The following GPC6 variants were observed in gnomAD, a reference collection of about 807,000 sequenced individuals.
GPC6 encodes the protein glypican 6.
Under a neutral mutation model 55.2 loss-of-function variants are expected in GPC6, and 14 were observed. The ratio of observed to expected loss-of-function variants is 0.25; its 90% CI spans 0.17 to 0.40. GPC6 has a LOEUF of 0.40. GPC6 is among the 10% of genes least tolerant of loss of function. The probability of loss-of-function intolerance (pLI) is 1.00; values close to 1 mark genes in which losing one functional copy is unlikely to be tolerated. For missense variants in GPC6, 641 were observed against 708.5 expected, an observed-to-expected ratio of 0.90 and a Z score of 1.08; for synonymous variants, 278 against 259.6, an observed-to-expected ratio of 1.07 and a Z score of -0.68.
chr13:93,352,103 G>A (rs935386713), intron 1 of GPC6, among the ~76,000 whole-genome samples: 2 of 152,120 alleles, frequency 1.3e-5, no homozygotes, highest in East Asian at 1.9e-4. Context: ...ATTACTTAAT[G>A]TAATTAAGGG....
intron 2 of GPC6, among the ~76,000 whole-genome samples, chr13:93,751,283 C>A (rs1884578238): frequency 6.6e-6 from 1 of 152,044 alleles, no homozygotes. Flanking sequence ...GGGGATGTGG[C>A]CTCACCACCA....
At chr13:93,749,800 G>GA (rs1207572328) in intron 2 of GPC6, among the ~76,000 whole-genome samples, 1 of 151,874 alleles carries the variant, frequency 6.6e-6, no homozygotes, top group Non-Finnish European at 1.5e-5. Context: ...TACTTGTGAC[G>GA]AAAAAAATAC....
At chr13:93,388,177 G>A (rs1011385810) in intron 1 of GPC6, among the ~76,000 whole-genome samples, 2 of 152,118 alleles carry the variant, frequency 1.3e-5, no homozygotes, top group African/African-American at 4.8e-5. Flanking sequence ...TTTAAACCTA[G>A]GGCTTCTTGG....
At chr13:93,720,684 C>T (rs532159468) in intron 2 of GPC6, among the ~76,000 whole-genome samples, 3 of 152,190 alleles carry the variant, frequency 2.0e-5, no homozygotes, top group African/African-American at 4.8e-5. Flanking sequence ...ATCTTTCCCA[C>T]TTTCTCATGT....
At chr13:94,236,913 T>C (rs1890897008) in intron 4 of GPC6, among the ~76,000 whole-genome samples, 2 of 151,874 alleles carry the variant, frequency 1.3e-5, no homozygotes, top group Admixed American at 6.6e-5. Flanking sequence ...CCTGAAAATT[T>C]TGGGCATGTA....
intron 2 of GPC6, among the ~76,000 whole-genome samples, chr13:93,754,059 C>T (rs892093803): frequency 2.0e-5 from 3 of 152,126 alleles, no homozygotes; most frequent in Non-Finnish European, 2.9e-5. Context: ...GGCTTGGCAA[C>T]CAGGGCTTCC....
At chr13:93,936,457 A>G (rs1878438847) in intron 3 of GPC6, among the ~76,000 whole-genome samples, 1 of 152,144 alleles carries the variant, frequency 6.6e-6, no homozygotes, top group Non-Finnish European at 1.5e-5. Flanking sequence ...ACATATGTGT[A>G]TATATTACTT....
intron 2 of GPC6, among the ~76,000 whole-genome samples, chr13:93,753,335 G>A (rs114821975): frequency 3.8e-4 from 58 of 152,316 alleles, no homozygotes; most frequent in African/African-American, 1.3e-3. Context: ...ATGTCTGTGT[G>A]TGTGTTTGAA....
intron 1 of GPC6, among the ~76,000 whole-genome samples, chr13:93,325,676 A>G (rs1431845682): frequency 3.3e-5 from 5 of 152,176 alleles, no homozygotes; most frequent in Non-Finnish European, 5.9e-5. Context: ...CCACTTTGCA[A>G]TGTATGTATG....
intron 1 of GPC6, among the ~76,000 whole-genome samples, chr13:93,472,966 G>T (rs1231257091): frequency 6.6e-6 from 1 of 152,188 alleles, no homozygotes; most frequent in Non-Finnish European, 1.5e-5. Flanking sequence ...CTTACTCAAA[G>T]GAGAGAGGGT....
intron 7 of GPC6, among the ~76,000 whole-genome samples, chr13:94,395,735 G>GT (rs1340814100): frequency 6.6e-6 from 1 of 152,202 alleles, no homozygotes; most frequent in African/African-American, 2.4e-5. Context: ...AGGAAAAGAT[G>GT]TTTTTTGAGC....
At chr13:93,460,397 T>A (rs761170706) in intron 1 of GPC6, among the ~76,000 whole-genome samples, 10 of 152,226 alleles carry the variant, frequency 6.6e-5, no homozygotes, top group Admixed American at 3.3e-4. Flanking sequence ...AAGGCCTAAA[T>A]TCACATGCTT....
At chr13:94,326,129 G>A (rs1015102945) in intron 6 of GPC6, among the ~76,000 whole-genome samples, 1 of 151,674 alleles carries the variant, frequency 6.6e-6, no homozygotes, top group African/African-American at 2.4e-5. Context: ...CCAGAAAGAT[G>A]AAATAACTAA....
intron 1 of GPC6, among the ~76,000 whole-genome samples, chr13:93,488,502 G>C (rs1879821788): frequency 6.6e-6 from 1 of 152,180 alleles, no homozygotes; most frequent in Non-Finnish European, 1.5e-5. Context: ...GGATGGCTAG[G>C]TCAAATGGTA....
intron 4 of GPC6, among the ~76,000 whole-genome samples, chr13:94,186,059 CCAAAAAA>C (rs1437770770): frequency 9.4e-5 from 6 of 63,840 alleles, no homozygotes; most frequent in South Asian, 1.3e-3. Context: ...GACTCCGTCT[CCAAAAAA>C]AAAAAAAAAA....
chr13:94,371,993 A>T (rs1833696534), intron 6 of GPC6, among the ~76,000 whole-genome samples: 1 of 152,150 alleles, frequency 6.6e-6, no homozygotes, highest in Admixed American at 6.5e-5. Flanking sequence ...TCTTACTTAC[A>T]GCTGGGTCCC....
chr13:93,529,867 G>A (rs1881798384), intron 1 of GPC6, among the ~76,000 whole-genome samples: 1 of 151,938 alleles, frequency 6.6e-6, no homozygotes, highest in South Asian at 2.1e-4. Flanking sequence ...GCAGCACCAG[G>A]CATTATACCT....
chr13:93,658,418 T>C (rs149709085), intron 2 of GPC6, among the ~76,000 whole-genome samples: 102 of 152,092 alleles, frequency 6.7e-4, no homozygotes, highest in African/African-American at 2.4e-3. Context: ...TATTAATTTT[T>C]GATAAAATAG....
intron 2 of GPC6, among the ~76,000 whole-genome samples, chr13:93,808,013 A>G (rs1886589481): frequency 6.6e-6 from 1 of 152,198 alleles, no homozygotes; most frequent in Non-Finnish European, 1.5e-5. Context: ...GGTGACTTAG[A>G]CAACATTGTA....
Sources: gnomAD v4.1 joint callset for allele counts (sites outside exome capture counted in the v4.1 genomes callset) on GRCh38, gnomAD v4.1.1 for gene constraint, MANE v1.5 for transcripts, NCBI Gene and HGNC (gene_info 2026-07-23, HGNC 2026-07-21) for gene names.